Variants in CHD1L observed in about 807,000 individuals in gnomAD.
CHD1L encodes the protein chromodomain helicase DNA binding protein 1 like, also known as ATP-dependent chromatin remodeler CHD1L.
A neutral mutation model predicts 115.9 loss-of-function variants in CHD1L; 118 were observed. The observed-to-expected ratio is 1.02, with a 90% CI of 0.88 to 1.19. The LOEUF (loss-of-function observed/expected upper bound fraction) is 1.19. Ranked by LOEUF, CHD1L falls within the 50% of genes most tolerant of loss-of-function variation. CHD1L has a pLI of 0.00. For synonymous variants in CHD1L, 411 were observed against 387.1 expected (o/e 1.06, Z -0.72); for missense variants, 1,179 against 1,065.3 (o/e 1.11, Z -1.49).
chr1:147,208,655 T>A, the CHD1L span: 1 of 471,562 alleles, frequency 2.1e-6, no homozygotes, highest in African/African-American at 2.0e-5. Context: ...GCCAGGATGG[T>A]CTCAAACTCC....
the CHD1L span, chr1:147,201,062 A>G: frequency 4.5e-6 from 4 of 887,676 alleles, no homozygotes; most frequent in Non-Finnish European, 5.3e-6. Context: ...GTAATCATAC[A>G]TGCTATCTCT....
chr1:147,259,973 A>G (rs1671383969), intron 6 of CHD1L, 55 bp downstream of exon 6: 1 of 1,302,648 alleles, frequency 7.7e-7, no homozygotes, highest in Non-Finnish European at 1.1e-6. Flanking sequence ...TTAAATATAC[A>G]TTATATTTTA....
At position 147,294,436 on chromosome 1, in the gene CHD1L, A is replaced by G. The variant is rs1553974480; in HGVS notation, c.2534A>G (p.His845Arg). 3 of 1,612,690 alleles carry G rather than the reference A, an allele frequency of 1.9e-6. No individual in the cohort carries two copies. The highest frequency in any genetic ancestry group is 1.3e-5 in the African/African-American group (1 of 74,988). The stretch of plus-strand genomic sequence containing the variant: ...AGTGTTCATCTTCCACGTATTGGAC[A>G]TGCCACGAAAGGTTTTAACTGGTAT... Reference protein sequence around the residue: ...KASVHLPRIGHATKGFNWYGT... With the variant: ...KASVHLPRIGRATKGFNWYGT... The change falls in exon 22 of 23, where the codon CAT becomes CGT. Residue 845 changes from histidine to arginine, a missense_variant. By Grantham distance (29) the His-to-Arg change is conservative. Coordinates refer to ENST00000369258, the MANE Select transcript of CHD1L (RefSeq NM_004284.6).
intron 15 of CHD1L, among the ~76,000 whole-genome samples, chr1:147,284,107 A>G (rs1682066623): frequency 2.0e-5 from 3 of 152,208 alleles, no homozygotes; most frequent in African/African-American, 7.2e-5. Context: ...CAAACCATCT[A>G]GGGATGAACC....
chr1:147,286,414 C>CATCT lies in CHD1L; in HGVS notation c.2136_2137insTCTA (p.Asp713SerfsTer10). 6.2e-7 allele frequency: 1 copy of CATCT among 1,614,150 alleles called. No homozygotes were observed. The highest frequency in any genetic ancestry group is 8.5e-7 in the Non-Finnish European group (1 of 1,180,034). On this transcript the variant is annotated frameshift_variant, in exon 18 of 23. Transcript: ENST00000369258. LOFTEE classifies it high-confidence loss of function. ...TCTGCTGAGCTGGATTACCAAGACC[C>CATCT]AGATGCTACTTCCCTCAAGTACGTT...
chr1:147,286,598 T>A, intron 18 of CHD1L, 98 bp downstream of exon 18: 1 of 1,035,190 alleles, frequency 9.7e-7, no homozygotes, highest in Non-Finnish European at 1.5e-6. Flanking sequence ...GTGGTCCCAG[T>A]GTAGTATTGT....
At chr1:147,241,472 G>A (rs1386598460), upstream of CHD1L, among the ~76,000 whole-genome samples, 6 of 151,734 alleles carry the variant, frequency 4.0e-5, no homozygotes, top group African/African-American at 1.5e-4. Context: ...CTTATAAAAC[G>A]ACCCCACCCC....
In CHD1L at chr1:147,286,293, T is replaced by C. The variant is rs782161612; in HGVS notation, c.2019-5T>C. 2.6e-5 allele frequency: 42 copies of C among 1,613,552 alleles called. No individual in the cohort carries two copies. Among genetic ancestry groups the C allele is most frequent in the Non-Finnish European group, 3.6e-5 (42 of 1,179,672 alleles). ...TAATTTCCTTTTGTCTCTGGCCTGC[T>C]AAAGGATGGCCTGGTGGGAATCCAA... On this transcript the variant is annotated splice_polypyrimidine_tract_variant and splice_region_variant and intron_variant, in intron 17 of 22. Coordinates refer to ENST00000369258, the MANE Select transcript of CHD1L (RefSeq NM_004284.6).
chr1:147,264,642 T>A (rs1284211336), intron 7 of CHD1L, 58 bp downstream of exon 7: 2 of 1,550,022 alleles, frequency 1.3e-6, no homozygotes, highest in African/African-American at 2.7e-5. Context: ...ACCATCCTCA[T>A]GCATAATGGT....
rs1553948194 is a variant in CHD1L, at chr1:147,266,090, A to C, written c.895+3A>C. 1 of 1,606,400 alleles carries C rather than the reference A, an allele frequency of 6.2e-7. No individual in the cohort carries two copies. The highest frequency in any genetic ancestry group is 8.5e-7 in the Non-Finnish European group (1 of 1,177,192). On this transcript the variant is annotated splice_donor_region_variant and intron_variant, in intron 8 of 22. Coordinates refer to ENST00000369258, the MANE Select transcript of CHD1L (RefSeq NM_004284.6). Reference sequence around the variant, plus strand: ...GGCCATTTTGATGAAAGACCTAGGTAATCAGAGGGCACTTGTCCATTTAGA... The same window carrying C: ...GGCCATTTTGATGAAAGACCTAGGTCATCAGAGGGCACTTGTCCATTTAGA...
At chr1:147,294,246 A>G (rs1343986608) in intron 21 of CHD1L, among the ~76,000 whole-genome samples, 163 bp from the exon 22 acceptor site, 1 of 148,314 alleles carries the variant, frequency 6.7e-6, no homozygotes, top group African/African-American at 2.4e-5. Flanking sequence ...GTTCAACAGA[A>G]TAATTTAATT....
chr1:147,276,020 G>C, intron 13 of CHD1L, 84 bp from the exon 14 acceptor site: 1 of 1,366,886 alleles, frequency 7.3e-7, no homozygotes, highest in Non-Finnish European at 1.0e-6. Context: ...GGTTTTGTTT[G>C]CTTTTAGATG....
At chr1:147,268,934 A>G (rs782616893) in intron 10 of CHD1L, 56 bp downstream of exon 10, 4 of 1,362,836 alleles carry the variant, frequency 2.9e-6, no homozygotes, top group African/African-American at 1.4e-5. Context: ...AAACCTGACT[A>G]TTGAGGAACT....
At chr1:147,272,903 G>GAAA (rs35351060) in intron 12 of CHD1L, among the ~76,000 whole-genome samples, 24,644 of 141,190 alleles carry the variant, frequency 0.17, 2,827 homozygotes, top group Middle Eastern at 0.26. Flanking sequence ...GTGGTGTCTG[G>GAAA]AAAAAAAAAA....
At chr1:147,190,641 G>C in the CHD1L span, among the ~76,000 whole-genome samples, 1 of 151,932 alleles carries the variant, frequency 6.6e-6, no homozygotes, top group Non-Finnish European at 1.5e-5. Flanking sequence ...GATAACAAAG[G>C]GACCTTATAT....
Position 147,286,154 on chromosome 1 carries a change from A to G in CHD1L, c.2019-144A>G, listed in dbSNP as rs1200131458. On this transcript the variant is annotated intron_variant, in intron 17 of 22. Coordinates refer to ENST00000369258, the MANE Select transcript of CHD1L (RefSeq NM_004284.6). ...GCCTAATCAGTAAGACTTGTTTACA[A>G]ATAAGTAGAAAACTTCAATCAGGGT... 5 of 755,308 alleles carry G rather than the reference A, an allele frequency of 6.6e-6. No individual in the cohort carries two copies. The African/African-American group carries it at 8.8e-5, about 13-fold the overall frequency. 46.8% of individuals were successfully genotyped at this position (755,308 alleles called of 1,614,324 possible). A position where few individuals can be genotyped will look rare whatever the true frequency, so the allele number is the denominator to read the frequency against.
At chr1:147,210,892 TG>T in the CHD1L span, 3 of 152,150 alleles carry the variant, frequency 2.0e-5, no homozygotes, top group Non-Finnish European at 4.4e-5. Flanking sequence ...AAATTAATAT[TG>T]AAAAAAAGGA....
intron 6 of CHD1L, 113 bp from the exon 7 acceptor site, chr1:147,264,309 C>T (rs1673071143): frequency 1.0e-6 from 1 of 957,620 alleles, no homozygotes; most frequent in African/African-American, 1.7e-5. Flanking sequence ...CATGTCCCCT[C>T]AGTCATTTCA....
At chr1:147,195,977 T>C in the CHD1L span, among the ~76,000 whole-genome samples, 3 of 152,176 alleles carry the variant, frequency 2.0e-5, no homozygotes, top group Non-Finnish European at 4.4e-5. Flanking sequence ...ACTCTTTGCA[T>C]TTGCACCACT....
Sources: gnomAD v4.1 joint callset for allele counts (sites outside exome capture counted in the v4.1 genomes callset) on GRCh38, gnomAD v4.1.1 for gene constraint, MANE v1.5 for transcripts, NCBI Gene and HGNC (gene_info 2026-07-23, HGNC 2026-07-21) for gene names.